The following PABPC4L variants were observed in gnomAD, a reference collection of about 807,000 sequenced individuals.
The protein encoded by PABPC4L is poly(A) binding protein cytoplasmic 4 like, also known as polyadenylate-binding protein 4-like.
For synonymous variants in PABPC4L, 169 were observed against 164.1 expected, an observed-to-expected ratio of 1.03 and a Z score of -0.23; for missense variants, 452 against 451.4, an observed-to-expected ratio of 1.00 and a Z score of -0.01.
the PABPC4L span, among the ~76,000 whole-genome samples, chr4:134,033,722 A>G: frequency 1.3e-5 from 2 of 151,950 alleles, no homozygotes; most frequent in African/African-American, 2.4e-5. Flanking sequence ...ATGCTCTTCA[A>G]TTCTATAAGG....
chr4:134,026,323 C>T, the PABPC4L span, among the ~76,000 whole-genome samples: 96 of 151,752 alleles, frequency 6.3e-4, no homozygotes, highest in African/African-American at 2.2e-3. Flanking sequence ...GCAACATCCG[C>T]CTCCTGGGTT....
chr4:134,091,020 C>T, the PABPC4L span, among the ~76,000 whole-genome samples: 10 of 151,714 alleles, frequency 6.6e-5, no homozygotes, highest in East Asian at 3.9e-4. Context: ...TTGGTATTAA[C>T]CTGTGCAGTG....
rs756824527 is a variant in PABPC4L at position 134,200,415 on chromosome 4, T to A, written c.605A>T (p.Asp202Val). The A allele has an allele frequency of 5.1e-6, 8 of 1,555,804 alleles. 1 individual carries two copies. Among genetic ancestry groups the A allele is most frequent in the Non-Finnish European group, 7.0e-6 (8 of 1,148,952 alleles). Residue 202 changes from aspartate (D) to valine (V), a missense_variant, in exon 2 of 2, where the codon GAT becomes GTT. By Grantham distance (152) the Asp-to-Val change is radical. Coordinates refer to ENST00000421491, the MANE Select transcript of PABPC4L (RefSeq NM_001114734.2). ...VYIKNFGGDM[D>V]DERLKDVFSK... is the part of the protein sequence containing the mutation. ...GAAAACGTCCTTCAATCTCTCATCA[T>A]CCATGTCACCTCCAAAGTTTTTTAT...
At chr4:133,949,489 C>T in the PABPC4L span, among the ~76,000 whole-genome samples, 4 of 152,164 alleles carry the variant, frequency 2.6e-5, no homozygotes, top group Non-Finnish European at 4.4e-5. Context: ...TGAAGGGGCT[C>T]TCTCATAGTT....
At chr4:133,957,546 C>T in the PABPC4L span, among the ~76,000 whole-genome samples, 1 of 152,168 alleles carries the variant, frequency 6.6e-6, no homozygotes, top group Non-Finnish European at 1.5e-5. Flanking sequence ...GTCTAGAGGA[C>T]AGTGGCCCTC....
chr4:134,150,539 CA>C, the PABPC4L span, among the ~76,000 whole-genome samples: 1 of 152,038 alleles, frequency 6.6e-6, no homozygotes, highest in Non-Finnish European at 1.5e-5. Context: ...ATAGAGAATG[CA>C]AATTTCACTT....
chr4:134,043,905 T>C, the PABPC4L span, among the ~76,000 whole-genome samples: 12 of 103,084 alleles, frequency 1.2e-4, no homozygotes, highest in Non-Finnish European at 2.3e-4. Context: ...TGTATATATA[T>C]GTGTGTGTGT....
chr4:134,175,203 T>C, the PABPC4L span, among the ~76,000 whole-genome samples: 6 of 152,156 alleles, frequency 3.9e-5, no homozygotes, highest in Non-Finnish European at 7.3e-5. Context: ...TTTGAGTATC[T>C]TAACAGATAT....
the PABPC4L span, among the ~76,000 whole-genome samples, chr4:134,122,069 T>C: frequency 2.0e-5 from 3 of 151,836 alleles, no homozygotes; most frequent in East Asian, 3.9e-4. Context: ...GCAATATGTT[T>C]GGATTGACAC....
the PABPC4L span, among the ~76,000 whole-genome samples, chr4:134,164,764 A>T: frequency 6.6e-6 from 1 of 152,092 alleles, no homozygotes; most frequent in African/African-American, 2.4e-5. Context: ...TCACAGAATT[A>T]GAAAAAAAAA....
the PABPC4L span, among the ~76,000 whole-genome samples, chr4:134,053,497 T>C: frequency 2.0e-5 from 3 of 152,074 alleles, no homozygotes; most frequent in Non-Finnish European, 2.9e-5. Context: ...CTGTAGAGAA[T>C]AGAGCTAATT....
chr4:133,989,364 T>A, the PABPC4L span, among the ~76,000 whole-genome samples: 1 of 152,116 alleles, frequency 6.6e-6, no homozygotes, highest in African/African-American at 2.4e-5. Context: ...CACCACATAC[T>A]CTAAGTAATC....
chr4:134,022,178 CTATT>C, the PABPC4L span, among the ~76,000 whole-genome samples: 1 of 152,098 alleles, frequency 6.6e-6, no homozygotes, highest in African/African-American at 2.4e-5. Context: ...TTCCCAAACT[CTATT>C]TATTCTGTTC....
the PABPC4L span, among the ~76,000 whole-genome samples, chr4:134,188,116 G>T: frequency 6.6e-6 from 1 of 151,448 alleles, no homozygotes; most frequent in Non-Finnish European, 1.5e-5. Context: ...GTGTGCAGGG[G>T]TGTTTGTGTG....
the PABPC4L span, among the ~76,000 whole-genome samples, chr4:134,053,972 A>G: frequency 6.6e-6 from 1 of 151,784 alleles, no homozygotes; most frequent in Non-Finnish European, 1.5e-5. Flanking sequence ...ACAAAATCCC[A>G]ATTGTAAATG....
the PABPC4L span, among the ~76,000 whole-genome samples, chr4:134,069,107 TA>T: frequency 6.6e-6 from 1 of 152,150 alleles, no homozygotes; most frequent in Non-Finnish European, 1.5e-5. Context: ...GGCTGTATAT[TA>T]AATTCTTGGT....
the PABPC4L span, among the ~76,000 whole-genome samples, chr4:134,132,892 AATATT>A: frequency 6.8e-6 from 1 of 146,794 alleles, no homozygotes; most frequent in Non-Finnish European, 1.5e-5. Context: ...AATGTATTAA[AATATT>A]ATATATTATA....
At chr4:134,061,433 T>C in the PABPC4L span, among the ~76,000 whole-genome samples, 1 of 151,832 alleles carries the variant, frequency 6.6e-6, no homozygotes, top group African/African-American at 2.4e-5. Context: ...ATTAAAATCC[T>C]GGAATAAAGA....
the PABPC4L span, among the ~76,000 whole-genome samples, chr4:134,077,683 T>A: frequency 6.6e-6 from 1 of 152,144 alleles, no homozygotes; most frequent in East Asian, 1.9e-4. Context: ...CGCTTTTTTG[T>A]CTACCTCTGG....
Sources: allele counts gnomAD v4.1 joint callset (sites outside exome capture counted in the v4.1 genomes callset), GRCh38; gene constraint gnomAD v4.1.1; transcripts MANE v1.5; gene names NCBI Gene and HGNC (gene_info 2026-07-23, HGNC 2026-07-21).